The following ANXA7 variants were observed in gnomAD, a reference collection of about 807,000 sequenced individuals.
ANXA7 encodes annexin A7, also known as annexin VII.
A neutral mutation model predicts 64.9 loss-of-function variants in ANXA7; 55 were observed. The ratio of observed to expected loss-of-function variants is 0.85; its 90% CI spans 0.68 to 1.06. The LOEUF is 1.06. ANXA7 is among the 50% of genes least tolerant of loss of function. The probability of loss-of-function intolerance (pLI) is 0.00; values close to 1 mark genes in which losing one functional copy is unlikely to be tolerated. For missense variants in ANXA7, 548 were observed against 582.1 expected, an observed-to-expected ratio of 0.94 and a Z score of 0.60; for synonymous variants, 200 against 192.4, an observed-to-expected ratio of 1.04 and a Z score of -0.33.
At chr10:73,408,649 G>GA (rs1441629751) in intron 1 of ANXA7, among the ~76,000 whole-genome samples, 8 of 152,134 alleles carry the variant, frequency 5.3e-5, no homozygotes, top group African/African-American at 1.9e-4. Context: ...GCTATTTTAA[G>GA]AAAGTGAATT....
chr10:73,398,866 T>C (rs1462344764), intron 2 of ANXA7, among the ~76,000 whole-genome samples: 1 of 152,190 alleles, frequency 6.6e-6, no homozygotes, highest in Non-Finnish European at 1.5e-5. Flanking sequence ...TTGGACTTCA[T>C]GGTTCAGAGC....
At position 73,398,331 on chromosome 10, in the gene ANXA7, C is replaced by T; in HGVS notation, c.109G>A (p.Gly37Ser). The T allele has an allele frequency of 6.2e-7, 1 of 1,614,066 alleles. No individual in the cohort carries two copies. Among genetic ancestry groups the T allele is most frequent in the Non-Finnish European group, 8.5e-7 (1 of 1,180,030 alleles). ...PPSGQYPYPSGFPPMGGGAYP... is the reference protein window; with the variant it reads ...PPSGQYPYPSSFPPMGGGAYP... ...GCACCTCCTCCCATTGGAGGAAAGC[C>T]ACTAGGATAAGGATACTGACCAGAA... is the stretch of plus-strand genomic sequence containing the variant. Residue 37 changes from glycine to serine, a missense_variant, in exon 3 of 13, where the codon GGC (glycine) becomes AGC (serine). Coordinates refer to ENST00000372921, the MANE Select transcript of ANXA7 (RefSeq NM_001156.5).
In ANXA7 at chr10:73,379,889, C is replaced by T. The variant is rs760291333; in HGVS notation, c.1155G>A (p.Leu385=). 1 of 1,614,152 alleles carries T rather than the reference C, an allele frequency of 6.2e-7. No individual in the cohort carries two copies. The highest frequency in any genetic ancestry group is 8.5e-7 in the Non-Finnish European group (1 of 1,180,008). ...ACAAAAATATCTTACAGATGGTCTT[C>T]AAACCACTTTCTACATATCCGGAAA... is the stretch of plus-strand genomic sequence containing the variant. ...REFSGYVESG[L]KTILQCALNR... is the part of the protein sequence containing the mutation. The change falls in exon 11 of 13, where the codon TTG becomes TTA. Residue 385 remains leucine, a synonymous_variant. Coordinates refer to ENST00000372921, the MANE Select transcript of ANXA7 (RefSeq NM_001156.5).
At chr10:73,397,737 T>G (rs2055599315) in intron 3 of ANXA7, among the ~76,000 whole-genome samples, 1 of 152,160 alleles carries the variant, frequency 6.6e-6, no homozygotes, top group Admixed American at 6.6e-5. Flanking sequence ...GGATTACAGG[T>G]GTGAGACACC....
chr10:73,408,998 T>C (rs981059197), intron 1 of ANXA7, among the ~76,000 whole-genome samples: 4 of 152,150 alleles, frequency 2.6e-5, no homozygotes, highest in African/African-American at 9.7e-5. Context: ...ACTCAACAAA[T>C]GAGGCATAGA....
intron 5 of ANXA7, among the ~76,000 whole-genome samples, chr10:73,393,654 A>G (rs2055522305): frequency 6.6e-6 from 1 of 152,218 alleles, no homozygotes; most frequent in South Asian, 2.1e-4. Flanking sequence ...CTGGCTAGCC[A>G]TATGTAGAAA....
At chr10:73,377,810 T>A in intron 12 of ANXA7, among the ~76,000 whole-genome samples, 1 of 137,792 alleles carries the variant, frequency 7.3e-6, no homozygotes, top group East Asian at 2.3e-4. Flanking sequence ...GTATTTTTTG[T>A]ATAAATAGGT....
intron 5 of ANXA7, among the ~76,000 whole-genome samples, chr10:73,388,977 G>A (rs1460059135): frequency 1.3e-5 from 2 of 152,206 alleles, no homozygotes; most frequent in Non-Finnish European, 2.9e-5. Flanking sequence ...AGAATCAACA[G>A]TGGGTGCTAA....
chr10:73,395,943 T>TGAGC (rs2055563726), intron 5 of ANXA7: 1 of 782,970 alleles, frequency 1.3e-6, no homozygotes, highest in Non-Finnish European at 2.3e-6. Context: ...TAGATACAGG[T>TGAGC]GAGCCCTTAA....
At position 73,383,488 on chromosome 10, in the gene ANXA7, A is replaced by G; in HGVS notation, c.747+89T>C. 3 of 1,268,224 alleles carry G rather than the reference A, an allele frequency of 2.4e-6. No homozygotes were observed. In the South Asian group the frequency reaches 4.0e-5, roughly 17 times the overall value. The allele number at this position is 1,268,224 out of a possible 1,614,324, so 78.6% of individuals were successfully genotyped here. ...TGTGAAATAAAGAATTGCTTTAATT[A>G]CCACTGTAAATTCAGAACTGTCATA... On this transcript the variant is annotated intron_variant, in intron 8 of 12. Transcript: ENST00000372921.
At chr10:73,401,442 T>C (rs2055663444) in intron 1 of ANXA7, among the ~76,000 whole-genome samples, 1 of 152,142 alleles carries the variant, frequency 6.6e-6, no homozygotes, top group Non-Finnish European at 1.5e-5. Flanking sequence ...TGTCATGCCA[T>C]ACAATTTTTG....
chr10:73,413,751 G>T (rs2055880291), intron 1 of ANXA7, among the ~76,000 whole-genome samples: 1 of 152,210 alleles, frequency 6.6e-6, no homozygotes, highest in Non-Finnish European at 1.5e-5. Context: ...CGAGGGCGGG[G>T]CGCCACTGGT....
At chr10:73,413,306 G>A (rs770938538) in intron 1 of ANXA7, among the ~76,000 whole-genome samples, 2 of 152,188 alleles carry the variant, frequency 1.3e-5, no homozygotes, top group Non-Finnish European at 2.9e-5. Flanking sequence ...TAGCAGATTA[G>A]CTGGCCATCA....
chr10:73,380,390 C>T (rs1036830194), intron 9 of ANXA7, among the ~76,000 whole-genome samples, 189 bp from the exon 10 acceptor site: 5 of 152,004 alleles, frequency 3.3e-5, no homozygotes, highest in African/African-American at 1.2e-4. Flanking sequence ...CCACCTCAGC[C>T]TCCCAGATAG....
At chr10:73,405,520 T>C (rs991571662) in intron 1 of ANXA7, among the ~76,000 whole-genome samples, 4 of 152,062 alleles carry the variant, frequency 2.6e-5, no homozygotes, top group Non-Finnish European at 2.9e-5. Context: ...GCCTGGGTGA[T>C]AGGGCAAAAC....
chr10:73,383,776 T>C lies in ANXA7; in HGVS notation c.634-86A>G, dbSNP rs1006169192. 5.6e-6 allele frequency: 5 copies of C among 887,120 alleles called. No homozygotes were observed. The African/African-American group carries it at 6.8e-5, about 12-fold the overall frequency. 55.0% of individuals were successfully genotyped at this position (887,120 alleles called of 1,614,324 possible). On this transcript the variant is annotated intron_variant, in intron 7 of 12. Transcript: ENST00000372921. ...TTTAAGGAAAATACAAAAAAAGAAA[T>C]GGAATTGCTTTATAAAAACCTAAAT... is the stretch of plus-strand genomic sequence containing the variant.
intron 7 of ANXA7, among the ~76,000 whole-genome samples, chr10:73,384,498 T>C (rs1001250844): frequency 6.6e-6 from 1 of 151,812 alleles, no homozygotes; most frequent in Non-Finnish European, 1.5e-5. Context: ...GCCTCCTGGG[T>C]TCAAGCGCTT....
At position 73,388,393 on chromosome 10, in the gene ANXA7, T is replaced by G; in HGVS notation, c.457A>C (p.Thr153Pro). Reference protein sequence around the residue: ...PSQPATVTQVTQGTIRPAANF... With the variant: ...PSQPATVTQVPQGTIRPAANF... ...GCAGCTGGTCGGATAGTTCCTTGAG[T>G]GACCTGAGTCACTGTGGCAGGCTGA... Residue 153 changes from threonine to proline, a missense_variant, in exon 6 of 13, where the codon ACT becomes CCT. Transcript: ENST00000372921. The G allele has an allele frequency of 6.2e-7, 1 of 1,613,398 alleles. No individual in the cohort carries two copies. The highest frequency in any genetic ancestry group is 8.5e-7 in the Non-Finnish European group (1 of 1,179,444).
At chr10:73,401,391 C>T (rs1411411296) in intron 1 of ANXA7, among the ~76,000 whole-genome samples, 1 of 152,196 alleles carries the variant, frequency 6.6e-6, no homozygotes, top group Non-Finnish European at 1.5e-5. Flanking sequence ...TTTCATCATT[C>T]ACACCAATGG....
Sources: allele counts gnomAD v4.1 joint callset (sites outside exome capture counted in the v4.1 genomes callset), GRCh38; gene constraint gnomAD v4.1.1; transcripts MANE v1.5; gene names NCBI Gene and HGNC (gene_info 2026-07-23, HGNC 2026-07-21).